MUC12: variants seen among roughly 807,000 people sequenced by gnomAD.
MUC12 encodes the protein mucin 12, cell surface associated.
In MUC12, 172 loss-of-function variants were observed where a neutral mutation model predicts 230.8. The observed-to-expected ratio is 0.75, with a 90% CI of 0.66 to 0.85. The LOEUF (loss-of-function observed/expected upper bound fraction) is 0.85. Ranked by LOEUF, MUC12 falls within the 40% of genes least tolerant of loss-of-function variation. The pLI is 0.00. For missense variants in MUC12, 3,506 were observed against 5,920.6 expected, an observed-to-expected ratio of 0.59 and a Z score of 13.38; for synonymous variants, 1,259 against 2,401.9, an observed-to-expected ratio of 0.52 and a Z score of 13.91.
chr7:101,005,303 G>A lies in MUC12; in HGVS notation c.14740G>A (p.Ala4914Thr), dbSNP rs377658401. Residue 4914 changes from alanine to threonine, a missense_variant, in exon 2 of 12, where the codon GCA (alanine) becomes ACA (threonine). Coordinates refer to ENST00000536621, the MANE Select transcript of MUC12 (RefSeq NM_001164462.2). Reference sequence around the variant, plus strand: ...AACAGCCTTCCACAGCAGCTCAGACGCAACTGGAACAACACCCTTACCTGC... The same window carrying A: ...AACAGCCTTCCACAGCAGCTCAGACACAACTGGAACAACACCCTTACCTGC... ...ESTAFHSSSDATGTTPLPARS... is the reference protein window; with the variant it reads ...ESTAFHSSSDTTGTTPLPARS... 80 of 1,537,754 alleles carry A rather than the reference G, an allele frequency of 5.2e-5. No homozygotes were observed. Among genetic ancestry groups the A allele is most frequent in the East Asian group, 3.2e-4 (13 of 40,910 alleles).
At chr7:100,972,748 T>C in intron 1 of MUC12, 2 of 644,450 alleles carry the variant, frequency 3.1e-6, no homozygotes, top group Non-Finnish European at 5.6e-6. Context: ...TCAAGTAATC[T>C]GCTCAGCTCG....
chr7:100,979,462 CAAAAT>C (rs149026343), intron 1 of MUC12, among the ~76,000 whole-genome samples: 40 of 151,448 alleles, frequency 2.6e-4, no homozygotes, highest in Admixed American at 2.6e-4. Flanking sequence ...TAAAATAAAG[CAAAAT>C]AAAATAAAAT....
intron 1 of MUC12, among the ~76,000 whole-genome samples, chr7:100,982,379 C>T (rs1464675860): frequency 2.0e-5 from 3 of 152,142 alleles, no homozygotes; most frequent in African/African-American, 7.2e-5. Context: ...TTCCCTTTCT[C>T]CTCTTTATTC....
At chr7:100,980,285 G>A (rs894239674) in intron 1 of MUC12, among the ~76,000 whole-genome samples, 5 of 152,062 alleles carry the variant, frequency 3.3e-5, no homozygotes, top group Non-Finnish European at 5.9e-5. Context: ...TCGTGATCCC[G>A]CCCGCCTTGG....
chr7:100,995,734 C>T lies in MUC12; in HGVS notation c.5171C>T (p.Pro1724Leu), dbSNP rs1471220584. Residue 1724 changes from proline (P) to leucine (L), a missense_variant, in exon 2 of 12, where the codon CCA becomes CTA. Coordinates refer to ENST00000536621, the MANE Select transcript of MUC12 (RefSeq NM_001164462.2). ...TCCCACGGCAGCCCGAGCTCAACTC[C>T]AACAACCCACTTTTCTGCCAGCTCC... ...TTSHGSPSST[P>L]TTHFSASSTT... 3 of 1,534,812 alleles carry T rather than the reference C, an allele frequency of 2.0e-6. No individual in the cohort carries two copies. Among genetic ancestry groups the T allele is most frequent in the East Asian group, 2.5e-5 (1 of 40,768 alleles).
chr7:100,975,425 A>G (rs1349342413), intron 1 of MUC12, among the ~76,000 whole-genome samples: 1 of 152,312 alleles, frequency 6.6e-6, no homozygotes. Flanking sequence ...AGATTGCTTC[A>G]CAATAGACAA....
At chr7:101,014,191 T>C in intron 9 of MUC12, 117 bp downstream of exon 9, 1 of 1,248,082 alleles carries the variant, frequency 8.0e-7, no homozygotes, top group Non-Finnish European at 1.1e-6. Context: ...AGAGGTCAGC[T>C]GAGGCCAGAT....
chr7:101,016,581 C>T (rs1353499375), intron 10 of MUC12, among the ~76,000 whole-genome samples: 1 of 152,110 alleles, frequency 6.6e-6, no homozygotes, highest in East Asian at 1.9e-4. Context: ...TCCCAAAGTG[C>T]TGGGATTACA....
In MUC12 at chr7:100,991,246, C is replaced by A; in HGVS notation, c.683C>A (p.Pro228Gln). ...GPESTTFHSS[P>Q]GYTKTTRLPD... ...GAATCTACTACCTTCCACAGCAGCCCAGGCTACACTAAAACAACACGCTTA... is the reference window on the plus strand; with the variant it reads ...GAATCTACTACCTTCCACAGCAGCCAAGGCTACACTAAAACAACACGCTTA... Residue 228 changes from proline to glutamine, a missense_variant, in exon 2 of 12, where the codon CCA (proline) becomes CAA (glutamine). By Grantham distance (76) the Pro-to-Gln change is moderately conservative. Transcript: ENST00000536621. The A allele has an allele frequency of 6.5e-7, 1 of 1,537,794 alleles. No homozygotes were observed. The highest frequency in any genetic ancestry group is 8.7e-7 in the Non-Finnish European group (1 of 1,147,036).
In MUC12 at chr7:100,991,128, G is replaced by A. The variant is rs61746950; in HGVS notation, c.565G>A (p.Val189Ile). ...CCCTGACAGTACCACCATGCCAGGCGTCAGTCAGGAATCTACAGCTTCCCA... is the reference window on the plus strand; with the variant it reads ...CCCTGACAGTACCACCATGCCAGGCATCAGTCAGGAATCTACAGCTTCCCA... ...AFPDSTTMPGVSQESTASHSI... is the reference protein window; with the variant it reads ...AFPDSTTMPGISQESTASHSI... Residue 189 changes from valine to isoleucine, a missense_variant, in exon 2 of 12, where the codon GTC (valine) becomes ATC (isoleucine). Val to Ile is a conservative substitution (Grantham distance 29). Transcript: ENST00000536621. 1.3e-3 allele frequency: 1,926 copies of A among 1,537,628 alleles called. 27 individuals are homozygous for A. In the African/African-American group the frequency reaches 0.022, roughly 18 times the overall value.
At chr7:100,989,186 G>A (rs1280801533) in intron 1 of MUC12, among the ~76,000 whole-genome samples, 1 of 144,078 alleles carries the variant, frequency 6.9e-6, no homozygotes, top group Admixed American at 7.2e-5. Context: ...CTGCAACCTC[G>A]CAACCTCTGC....
chr7:100,992,372 A>C lies in MUC12; in HGVS notation c.1809A>C (p.Glu603Asp). 6.5e-7 allele frequency: 1 copy of C among 1,536,634 alleles called. No homozygotes were observed. Among genetic ancestry groups the C allele is most frequent in the Non-Finnish European group, 8.7e-7 (1 of 1,146,026 alleles). Residue 603 changes from glutamate (E) to aspartate (D), a missense_variant, in exon 2 of 12, where the codon GAA (glutamate) becomes GAC (aspartate). Coordinates refer to ENST00000536621, the MANE Select transcript of MUC12 (RefSeq NM_001164462.2). ...ACACCACAGCCTCAGGACTCCTTGA[A>C]GCATCTATGCCCGTCCACAGCAGCA... ...PDNTTASGLLEASMPVHSSTR... is the reference protein window; with the variant it reads ...PDNTTASGLLDASMPVHSSTR...
intron 1 of MUC12, chr7:100,972,031 A>C (rs1792912083): frequency 1.4e-6 from 1 of 701,914 alleles, no homozygotes; most frequent in African/African-American, 1.7e-5. Context: ...AGAGAGCAGA[A>C]GGGAGTGAGG....
chr7:100,972,749 G>C, intron 1 of MUC12: 2 of 650,348 alleles, frequency 3.1e-6, no homozygotes, highest in Admixed American at 2.2e-5. Flanking sequence ...CAAGTAATCT[G>C]CTCAGCTCGA....
At chr7:100,976,776 C>T (rs1378274848) in intron 1 of MUC12, among the ~76,000 whole-genome samples, 2 of 151,656 alleles carry the variant, frequency 1.3e-5, no homozygotes, top group African/African-American at 2.4e-5. Flanking sequence ...CTCGGTGGGG[C>T]GTGGTGTCTC....
intron 1 of MUC12, among the ~76,000 whole-genome samples, chr7:100,981,696 G>A (rs1793108701): frequency 6.6e-6 from 1 of 152,084 alleles, no homozygotes; most frequent in African/African-American, 2.4e-5. Flanking sequence ...ATGAATCCAG[G>A]AACAAAGGCA....
chr7:100,992,420 GT>G lies in MUC12; in HGVS notation c.1858del (p.Ser620ProfsTer161), dbSNP rs1415816545. On this transcript the variant is annotated frameshift_variant, in exon 2 of 12. Transcript: ENST00000536621. LOFTEE classifies it high-confidence loss of function. ...SSTRSPHTTLSPAGSTTRQGE... is the reference protein window; with the variant it reads ...SSTRSPHTTLXPAGSTTRQGE... The stretch of plus-strand genomic sequence containing the variant: ...GCACCAGATCGCCACACACAACACT[GT>G]CCCCTGCCGGCTCTACAACCCGTCA... 2.0e-6 allele frequency: 3 copies of G among 1,537,828 alleles called. No individual in the cohort carries two copies. The highest frequency in any genetic ancestry group is 2.6e-6 in the Non-Finnish European group (3 of 1,147,036).
chr7:100,971,725 G>A (rs1792903101), intron 1 of MUC12, among the ~76,000 whole-genome samples: 2 of 152,310 alleles, frequency 1.3e-5, no homozygotes, highest in Non-Finnish European at 2.9e-5. Context: ...GAAACTGTGG[G>A]CCTGGATGGG....
At chr7:101,013,449 C>T (rs1793870495) in intron 8 of MUC12, among the ~76,000 whole-genome samples, 1 of 152,170 alleles carries the variant, frequency 6.6e-6, no homozygotes, top group African/African-American at 2.4e-5. Context: ...CTATCTCTAT[C>T]TTTGTATCTC....
Sources: gnomAD v4.1 joint callset for allele counts (sites outside exome capture counted in the v4.1 genomes callset) on GRCh38, gnomAD v4.1.1 for gene constraint, MANE v1.5 for transcripts, NCBI Gene and HGNC (gene_info 2026-07-23, HGNC 2026-07-21) for gene names.